Variants in KCNH5 observed in about 807,000 individuals in gnomAD.
KCNH5 encodes the protein potassium voltage-gated channel subfamily H member 5.
A neutral mutation model predicts 96.1 loss-of-function variants in KCNH5; 46 were observed. The observed-to-expected ratio is 0.48, with a 90% CI of 0.38 to 0.61. KCNH5 has a LOEUF of 0.61. KCNH5 is among the 20% of genes least tolerant of loss of function. The pLI, the probability that KCNH5 is intolerant of heterozygous loss-of-function variation, is 0.00. For synonymous variants in KCNH5, 439 were observed against 449.8 expected (o/e 0.98, Z 0.30); for missense variants, 907 against 1,225.8 (o/e 0.74, Z 3.88).
At chr14:62,996,828 AAAGT>A (rs1232716525) in intron 4 of KCNH5, among the ~76,000 whole-genome samples, 1 of 152,210 alleles carries the variant, frequency 6.6e-6, no homozygotes, top group South Asian at 2.1e-4. Flanking sequence ...GAAATCACTT[AAAGT>A]AAGTAAGAGA....
chr14:62,977,128 T>C (rs1046471497), intron 6 of KCNH5, among the ~76,000 whole-genome samples: 2 of 152,104 alleles, frequency 1.3e-5, no homozygotes, highest in Admixed American at 6.5e-5. Context: ...CCCAACACTT[T>C]GGGAGGCTGA....
intron 8 of KCNH5, among the ~76,000 whole-genome samples, chr14:62,819,209 C>T (rs569222341): frequency 1.6e-4 from 25 of 152,220 alleles, no homozygotes; most frequent in Non-Finnish European, 2.6e-4. Flanking sequence ...TCTCGTGATC[C>T]GCCCACCTCA....
At chr14:63,032,113 A>C (rs928847518) in intron 1 of KCNH5, among the ~76,000 whole-genome samples, 27 of 152,156 alleles carry the variant, frequency 1.8e-4, no homozygotes, top group South Asian at 8.3e-4. Context: ...AAAAAAAAAA[A>C]AAAACTTTCA....
chr14:62,989,620 C>T (rs1244840524), intron 4 of KCNH5, among the ~76,000 whole-genome samples: 1 of 152,036 alleles, frequency 6.6e-6, no homozygotes, highest in African/African-American at 2.4e-5. Flanking sequence ...TGTACACGCA[C>T]ATCATGGGAT....
At position 62,703,445 on chromosome 14, in the gene KCNH5, T is replaced by G. The variant is rs1426748053; in HGVS notation, c.*4063A>C. ...TTCACCTGCAAGAAAGATAATTTTT[T>G]CATTGACCAATAGCATGTTGATATA... On this transcript the variant is annotated 3_prime_UTR_variant, in exon 11 of 11. Transcript: ENST00000322893. 1 of 151,932 alleles carries G rather than the reference T, an allele frequency of 6.6e-6. No homozygotes were observed. The highest frequency in any genetic ancestry group is 2.4e-5 in the African/African-American group (1 of 41,432). 9.4% of individuals were successfully genotyped at this position (151,932 alleles called of 1,614,324 possible). A position where few individuals can be genotyped will look rare whatever the true frequency, so the allele number is the denominator to read the frequency against.
chr14:62,908,782 ATTTTTTTTTTT>A (rs71120241), intron 7 of KCNH5, among the ~76,000 whole-genome samples: 80 of 23,722 alleles, frequency 3.4e-3, no homozygotes, highest in Middle Eastern at 0.045. Flanking sequence ...TTTGCTTTGT[ATTTTTTTTTTT>A]TTTTTTTTTT....
intron 10 of KCNH5, among the ~76,000 whole-genome samples, chr14:62,754,016 T>C (rs1885562483): frequency 6.6e-6 from 1 of 152,090 alleles, no homozygotes; most frequent in Non-Finnish European, 1.5e-5. Context: ...GCATGAAACA[T>C]TCTAAAAAGC....
intron 9 of KCNH5, among the ~76,000 whole-genome samples, chr14:62,797,006 G>C (rs931095807): frequency 1.3e-5 from 2 of 152,138 alleles, no homozygotes; most frequent in African/African-American, 2.4e-5. Flanking sequence ...AGGCAGATTT[G>C]CCCTAAGCAG....
intron 9 of KCNH5, among the ~76,000 whole-genome samples, chr14:62,786,123 G>A (rs1053926186): frequency 8.5e-5 from 13 of 152,062 alleles, no homozygotes; most frequent in African/African-American, 2.7e-4. Context: ...CCCAGGAGGC[G>A]GAGGTTGCAG....
At chr14:63,044,420 G>T (rs79616933) in intron 1 of KCNH5, among the ~76,000 whole-genome samples, 116 of 152,242 alleles carry the variant, frequency 7.6e-4, no homozygotes, top group African/African-American at 2.7e-3. Flanking sequence ...TTTTCTAGTT[G>T]CATTAAAAGC....
chr14:62,890,616 G>T (rs1052479516), intron 7 of KCNH5, among the ~76,000 whole-genome samples: 2 of 150,022 alleles, frequency 1.3e-5, no homozygotes, highest in African/African-American at 2.5e-5. Flanking sequence ...GGAGAATGGC[G>T]TGAACCCGGG....
At chr14:62,849,330 G>A (rs1237881680) in intron 8 of KCNH5, among the ~76,000 whole-genome samples, 1 of 152,138 alleles carries the variant, frequency 6.6e-6, no homozygotes, top group African/African-American at 2.4e-5. Flanking sequence ...AGGAAAAATG[G>A]CAGCACTCTG....
intron 10 of KCNH5, among the ~76,000 whole-genome samples, chr14:62,777,449 G>T (rs1430153514): frequency 6.6e-6 from 1 of 152,102 alleles, no homozygotes; most frequent in Non-Finnish European, 1.5e-5. Flanking sequence ...GAAGTGCCTG[G>T]CTATATACAA....
intron 1 of KCNH5, among the ~76,000 whole-genome samples, chr14:63,035,365 C>T (rs1378630342): frequency 6.6e-6 from 1 of 152,156 alleles, no homozygotes; most frequent in Non-Finnish European, 1.5e-5. Flanking sequence ...CACAAAGAGG[C>T]TTTTCTGAAT....
At chr14:63,009,206 T>A (rs1891181383) in intron 2 of KCNH5, among the ~76,000 whole-genome samples, 1 of 152,062 alleles carries the variant, frequency 6.6e-6, no homozygotes, top group African/African-American at 2.4e-5. Flanking sequence ...CCAATAAGAT[T>A]TAAAAGTAAG....
chr14:62,952,362 G>A (rs1290935800), intron 6 of KCNH5, among the ~76,000 whole-genome samples: 1 of 152,166 alleles, frequency 6.6e-6, no homozygotes, highest in Non-Finnish European at 1.5e-5. Flanking sequence ...AGGCTTGAAA[G>A]CTTTCAAAAA....
intron 1 of KCNH5, among the ~76,000 whole-genome samples, chr14:63,022,882 G>A (rs560971114): frequency 6.6e-6 from 1 of 152,174 alleles, no homozygotes; most frequent in South Asian, 2.1e-4. Context: ...CACAAGTGCA[G>A]TTTTACACCT....
At chr14:62,853,456 C>CATATATATATATATATATATATATATG (rs61444088) in intron 7 of KCNH5, among the ~76,000 whole-genome samples, 2 of 93,320 alleles carry the variant, frequency 2.1e-5, no homozygotes, top group Non-Finnish European at 3.9e-5. Context: ...AAAGAATAAT[C>CATATATATATATATATATATATATATG]ATATATATAT....
intron 8 of KCNH5, among the ~76,000 whole-genome samples, chr14:62,817,069 T>C (rs1428287383): frequency 7.0e-6 from 1 of 142,666 alleles, no homozygotes; most frequent in African/African-American, 2.6e-5. Context: ...TCTGTGTGTG[T>C]GTATCTATAT....
Sources: gnomAD v4.1 joint callset for allele counts (sites outside exome capture counted in the v4.1 genomes callset) on GRCh38, gnomAD v4.1.1 for gene constraint, MANE v1.5 for transcripts, NCBI Gene and HGNC (gene_info 2026-07-23, HGNC 2026-07-21) for gene names.